QSOX2: variants seen among roughly 807,000 people sequenced by gnomAD.
QSOX2 encodes the protein sulfhydryl oxidase 2.
A neutral mutation model predicts 61.7 loss-of-function variants in QSOX2; 46 were observed. The ratio of observed to expected loss-of-function variants is 0.75; its 90% CI spans 0.59 to 0.95. The LOEUF is 0.95. Among genes scored for constraint, QSOX2 ranks in the 40% least tolerant of loss-of-function variants. QSOX2 has a pLI of 0.00. For missense variants in QSOX2, 879 were observed against 918.9 expected (o/e 0.96, Z 0.56); for synonymous variants, 383 against 388.4 (o/e 0.99, Z 0.16).
Position 136,206,627 on chromosome 9 carries a change from C to T in QSOX2, c.*2101G>A, listed in dbSNP as rs1831767299. 6.6e-6 allele frequency: 1 copy of T among 152,328 alleles called. No individual in the cohort carries two copies. Among genetic ancestry groups the T allele is most frequent in the East Asian group, 1.9e-4 (1 of 5,342 alleles). 9.4% of individuals were successfully genotyped at this position (152,328 alleles called of 1,614,324 possible). The stretch of plus-strand genomic sequence containing the variant: ...CCACACAAGGTGTGTCTGAGTATGG[C>T]CATATGACTCCTGGGGCCACCTCCA... On this transcript the variant is annotated 3_prime_UTR_variant, in exon 12 of 12. Transcript: ENST00000358701.
chr9:136,243,567 TTC>T (rs1353728686), intron 1 of QSOX2, among the ~76,000 whole-genome samples: 1 of 152,260 alleles, frequency 6.6e-6, no homozygotes, highest in African/African-American at 2.4e-5. Flanking sequence ...TGCCTATAAC[TTC>T]TGTCTCCCTA....
At chr9:136,215,386 A>C in intron 9 of QSOX2, 82 bp from the exon 10 acceptor site, 16 of 692,470 alleles carry the variant, frequency 2.3e-5, no homozygotes, top group Admixed American at 6.3e-5. Context: ...TGCCTTCTTG[A>C]CTGGGGGGGG....
chr9:136,239,175 C>A (rs1248145220), intron 1 of QSOX2, among the ~76,000 whole-genome samples: 1 of 152,214 alleles, frequency 6.6e-6, no homozygotes, highest in Non-Finnish European at 1.5e-5. Flanking sequence ...GAGTTACAAC[C>A]TATAGGTAAC....
rs372068488 is a variant in QSOX2, at chr9:136,222,096, T to C, written c.676-155A>G. ...ACCCTCACTCAAATCTTCACTCTCA[T>C]TGCACTTTAAGGCAACTGACGGCAC... On this transcript the variant is annotated intron_variant, in intron 5 of 11. Transcript: ENST00000358701. This position sits in a 1 kb window ranked among gnomAD's most constrained non-coding sequence, Gnocchi z 6.9. Among the ~76,000 whole-genome samples, 563 of 138,248 alleles carry C rather than the reference T, an allele frequency of 4.1e-3. 6 individuals are homozygous for C. Among genetic ancestry groups the C allele is most frequent in the South Asian group, 0.033 (155 of 4,668 alleles). 90.7% of individuals were successfully genotyped at this position (138,248 alleles called of 152,430 possible).
rs1004705506 is a variant in QSOX2 at position 136,221,192 on chromosome 9, C to T, written c.821+604G>A. ...TCATGAGGGGCACACGGGCACCCCA[C>T]GCAGGGGCAAAGGGCTTATCCTCAT... On this transcript the variant is annotated intron_variant, in intron 6 of 11. Transcript: ENST00000358701. This position sits in a 1 kb window ranked among gnomAD's most constrained non-coding sequence, Gnocchi z 4.5. Among the ~76,000 whole-genome samples, 1 of 150,252 alleles carries T rather than the reference C, an allele frequency of 6.7e-6. No individual in the cohort carries two copies. The highest frequency in any genetic ancestry group is 2.5e-5 in the African/African-American group (1 of 40,256).
intron 1 of QSOX2, among the ~76,000 whole-genome samples, chr9:136,237,750 C>T (rs1195123742): frequency 1.3e-5 from 2 of 152,074 alleles, no homozygotes; most frequent in African/African-American, 4.8e-5. Flanking sequence ...CTGTGCCACA[C>T]CTGGAGCCCA....
At chr9:136,238,983 C>T (rs1463870773) in intron 1 of QSOX2, among the ~76,000 whole-genome samples, 3 of 152,194 alleles carry the variant, frequency 2.0e-5, no homozygotes, top group African/African-American at 7.2e-5. Flanking sequence ...AGAGACCGAT[C>T]TCTAAAACAA....
chr9:136,243,117 T>C (rs182734714), intron 1 of QSOX2, among the ~76,000 whole-genome samples: 11 of 152,326 alleles, frequency 7.2e-5, no homozygotes, highest in African/African-American at 2.4e-4. Flanking sequence ...AACTCCAGCC[T>C]GACTCGGGTA....
At chr9:136,232,657 G>C (rs1830341687) in intron 1 of QSOX2, among the ~76,000 whole-genome samples, 1 of 152,104 alleles carries the variant, frequency 6.6e-6, no homozygotes, top group South Asian at 2.1e-4. Context: ...CGTAAGTCGG[G>C]GCCTGGAGGC....
At chr9:136,232,202 C>A (rs1042001591) in intron 1 of QSOX2, among the ~76,000 whole-genome samples, 4 of 152,186 alleles carry the variant, frequency 2.6e-5, no homozygotes, top group Non-Finnish European at 4.4e-5. Context: ...CCTTGCACTT[C>A]GCGTGGCAGT....
intron 1 of QSOX2, among the ~76,000 whole-genome samples, chr9:136,235,062 T>G (rs1386127813): frequency 6.6e-6 from 1 of 152,160 alleles, no homozygotes; most frequent in African/African-American, 2.4e-5. Context: ...TCCTTGCAGG[T>G]GGAGACCCAG....
chr9:136,223,662 G>T lies in QSOX2; in HGVS notation c.675+101C>A. 1 of 844,292 alleles carries T rather than the reference G, an allele frequency of 1.2e-6. No individual in the cohort carries two copies. The highest frequency in any genetic ancestry group is 1.9e-6 in the Non-Finnish European group (1 of 523,856). 52.3% of individuals were successfully genotyped at this position (844,292 alleles called of 1,614,324 possible). A position where few individuals can be genotyped will look rare whatever the true frequency, so the allele number is the denominator to read the frequency against. ...ACCTAAAGCCACAGACAGGACACGA[G>T]ATGCCGACACAGTGACCGGCACCTG... is the stretch of plus-strand genomic sequence containing the variant. On this transcript the variant is annotated intron_variant, in intron 5 of 11. Coordinates refer to ENST00000358701, the MANE Select transcript of QSOX2 (RefSeq NM_181701.4). The surrounding 1 kb of genome is among the most constrained non-coding windows in gnomAD (Gnocchi z 4.4).
rs1007172420 is a variant in QSOX2 at position 136,222,491 on chromosome 9, G to A, written c.676-550C>T. 3.3e-5 allele frequency among the ~76,000 whole-genome samples: 5 copies of A among 152,218 alleles called. No individual in the cohort carries two copies. The highest frequency in any genetic ancestry group is 7.3e-5 in the Non-Finnish European group (5 of 68,044). ...TGCGCCACCACCACATCGGGCGTAC[G>A]TCTTTCCTTCTCTTAACAGAGGAAC... is the stretch of plus-strand genomic sequence containing the variant. On this transcript the variant is annotated intron_variant, in intron 5 of 11. Coordinates refer to ENST00000358701, the MANE Select transcript of QSOX2 (RefSeq NM_181701.4). This position sits in a 1 kb window ranked among gnomAD's most constrained non-coding sequence, Gnocchi z 6.9.
At position 136,216,932 on chromosome 9, in the gene QSOX2, C is replaced by T. The variant is rs565618398; in HGVS notation, c.1087-210G>A. Among the ~76,000 whole-genome samples the T allele has an allele frequency of 9.9e-3, 1,506 of 152,350 alleles. 13 individuals are homozygous for T. The highest frequency in any genetic ancestry group is 0.015 in the Non-Finnish European group (1,048 of 68,032). Reference sequence around the variant, plus strand: ...ATCTAGCCTGCGCCTCTCCCCAGGACAGCCTGTGCCCACGGCCATGCCTTT... The same window carrying T: ...ATCTAGCCTGCGCCTCTCCCCAGGATAGCCTGTGCCCACGGCCATGCCTTT... On this transcript the variant is annotated intron_variant, in intron 8 of 11. Coordinates refer to ENST00000358701, the MANE Select transcript of QSOX2 (RefSeq NM_181701.4).
intron 10 of QSOX2, among the ~76,000 whole-genome samples, chr9:136,214,018 G>A (rs1458446177): frequency 6.6e-6 from 1 of 152,174 alleles, no homozygotes; most frequent in Non-Finnish European, 1.5e-5. Flanking sequence ...TTGTTATGTG[G>A]CAAAAAATAA....
intron 10 of QSOX2, among the ~76,000 whole-genome samples, chr9:136,212,029 G>A (rs1297229591): frequency 6.6e-6 from 1 of 152,244 alleles, no homozygotes; most frequent in Non-Finnish European, 1.5e-5. Context: ...GTGAGGATGT[G>A]GAGCAGGTGG....
intron 1 of QSOX2, among the ~76,000 whole-genome samples, chr9:136,230,354 G>A (rs955767020): frequency 2.0e-5 from 3 of 152,196 alleles, no homozygotes; most frequent in Non-Finnish European, 2.9e-5. Flanking sequence ...AAATGTGGCC[G>A]GTGGGAATGG....
At position 136,223,614 on chromosome 9, in the gene QSOX2, C is replaced by G. The variant is rs1245368026; in HGVS notation, c.675+149G>C. On this transcript the variant is annotated intron_variant, in intron 5 of 11. Transcript: ENST00000358701. The surrounding 1 kb of genome is among the most constrained non-coding windows in gnomAD (Gnocchi z 4.4). ...CAGTGACTTTGCTGAGTAACATTAA[C>G]TAAGCTTCTGATAATGAACAAGACC... 1 of 623,466 alleles carries G rather than the reference C, an allele frequency of 1.6e-6. No individual in the cohort carries two copies. The highest frequency in any genetic ancestry group is 2.8e-6 in the Non-Finnish European group (1 of 358,238). 38.6% of individuals were successfully genotyped at this position (623,466 alleles called of 1,614,324 possible). A position where few individuals can be genotyped will look rare whatever the true frequency, so the allele number is the denominator to read the frequency against.
chr9:136,210,505 G>A (rs1016038491), intron 11 of QSOX2: 15 of 985,472 alleles, frequency 1.5e-5, no homozygotes, highest in Middle Eastern at 5.2e-4. Flanking sequence ...GGGCGGCGGC[G>A]ATGCAGAGGC....
Sources: allele counts gnomAD v4.1 joint callset (sites outside exome capture counted in the v4.1 genomes callset), GRCh38; gene constraint gnomAD v4.1.1; non-coding constraint Gnocchi (gnomAD v3.1); transcripts MANE v1.5; gene names NCBI Gene and HGNC (gene_info 2026-07-23, HGNC 2026-07-21).